ZNF723: variants seen among roughly 807,000 people sequenced by gnomAD.
ZNF723 encodes the protein zinc finger protein 723, pseudogene.
A neutral mutation model predicts 9.4 loss-of-function variants in ZNF723; 5 were observed. The observed-to-expected ratio is 0.53, with a 90% CI of 0.28 to 1.12. The LOEUF (loss-of-function observed/expected upper bound fraction) is 1.12. ZNF723 is among the 50% of genes most tolerant of loss of function. The probability of loss-of-function intolerance (pLI) is 0.10; values close to 1 mark genes in which losing one functional copy is unlikely to be tolerated. For missense variants in ZNF723, 450 were observed against 501.5 expected (o/e 0.90, Z 0.98); for synonymous variants, 158 against 168.8 (o/e 0.94, Z 0.49).
intron 1 of ZNF723, among the ~76,000 whole-genome samples, chr19:22,839,473 T>G (rs1217568412): frequency 2.0e-5 from 3 of 149,700 alleles, no homozygotes; most frequent in South Asian, 2.1e-4. Flanking sequence ...TTGGTTTTTT[T>G]TTTTTTTTTT....
the ZNF723 span, among the ~76,000 whole-genome samples, chr19:22,816,240 A>G: frequency 6.6e-6 from 1 of 152,232 alleles, no homozygotes; most frequent in South Asian, 2.1e-4. Context: ...CCAAGCTGAC[A>G]GTAAATATTG....
At chr19:22,827,067 C>T in the ZNF723 span, among the ~76,000 whole-genome samples, 3 of 152,176 alleles carry the variant, frequency 2.0e-5, no homozygotes, top group African/African-American at 7.2e-5. Flanking sequence ...TTTTCCATGG[C>T]TTAGCATAAA....
intron 3 of ZNF723, among the ~76,000 whole-genome samples, chr19:22,855,090 C>T (rs1009647454): frequency 6.6e-6 from 1 of 151,904 alleles, no homozygotes; most frequent in Non-Finnish European, 1.5e-5. Flanking sequence ...TTTTTATATT[C>T]TCTAGAATTC....
chr19:22,846,375 C>T (rs1040024821), intron 1 of ZNF723, among the ~76,000 whole-genome samples: 2 of 152,158 alleles, frequency 1.3e-5, no homozygotes, highest in Non-Finnish European at 2.9e-5. Context: ...GTAATCCCAG[C>T]AGTTTGGGAG....
the ZNF723 span, among the ~76,000 whole-genome samples, chr19:22,814,655 C>T: frequency 6.6e-6 from 1 of 152,172 alleles, no homozygotes; most frequent in Non-Finnish European, 1.5e-5. Context: ...ACTCTCATAC[C>T]TAGAACCAGG....
At chr19:22,815,266 A>G in the ZNF723 span, among the ~76,000 whole-genome samples, 1 of 152,004 alleles carries the variant, frequency 6.6e-6, no homozygotes, top group Non-Finnish European at 1.5e-5. Flanking sequence ...CTTGTAAAAT[A>G]TTTCTGTATC....
At chr19:22,813,735 C>T in the ZNF723 span, among the ~76,000 whole-genome samples, 1 of 151,724 alleles carries the variant, frequency 6.6e-6, no homozygotes, top group African/African-American at 2.4e-5. Flanking sequence ...AGTGAGACTC[C>T]GTCTCAAAAA....
At chr19:22,855,720 A>G (rs1967468324) in intron 3 of ZNF723, among the ~76,000 whole-genome samples, 3 of 152,124 alleles carry the variant, frequency 2.0e-5, no homozygotes, top group Non-Finnish European at 2.9e-5. Flanking sequence ...GACTTTGACT[A>G]TATCACACAG....
chr19:22,827,687 A>T (rs1272226968), upstream of ZNF723, among the ~76,000 whole-genome samples: 1 of 151,974 alleles, frequency 6.6e-6, no homozygotes, highest in East Asian at 1.9e-4. Flanking sequence ...GACCTCAGGT[A>T]ATCTGCCTGC....
At chr19:22,849,889 A>G (rs1967368376) in intron 3 of ZNF723, among the ~76,000 whole-genome samples, 1 of 152,148 alleles carries the variant, frequency 6.6e-6, no homozygotes, top group Admixed American at 6.6e-5. Flanking sequence ...AGCTTGTGTG[A>G]GAAGAGTGAA....
upstream of ZNF723, among the ~76,000 whole-genome samples, chr19:22,830,806 A>T (rs1454691761): frequency 6.6e-6 from 1 of 152,110 alleles, no homozygotes; most frequent in Non-Finnish European, 1.5e-5. Context: ...TCTGTCGCCT[A>T]GGCTGGAGTG....
In ZNF723 at chr19:22,858,329, C is replaced by A. The variant is rs1328356965; in HGVS notation, c.1438C>A (p.Pro480Thr). 6 of 1,108,938 alleles carry A rather than the reference C, an allele frequency of 5.4e-6. No individual in the cohort carries two copies. In the East Asian group the frequency reaches 7.2e-5, roughly 13 times the overall value. The allele number at this position is 1,108,938 out of a possible 1,614,324, so 68.7% of individuals were successfully genotyped here. A position where few individuals can be genotyped will look rare whatever the true frequency, so the allele number is the denominator to read the frequency against. The change falls in exon 4 of 4, where the codon CCT becomes ACT. Residue 480 changes from proline (P) to threonine (T), a missense_variant. By Grantham distance (38) the Pro-to-Thr change is conservative. Coordinates refer to ENST00000600766, the MANE Select transcript of ZNF723 (RefSeq NM_001349726.2). ...TAAGATAATTCATGCTAGAGAGAAG[C>A]CTTACAAATGTGAAGAATGTGGCAA... is the stretch of plus-strand genomic sequence containing the variant. Reference protein sequence around the residue: ...KHKIIHAREKPYKCEECGKAF... With the variant: ...KHKIIHAREKTYKCEECGKAF...
the ZNF723 span, among the ~76,000 whole-genome samples, chr19:22,822,089 G>C: frequency 6.6e-6 from 1 of 152,168 alleles, no homozygotes; most frequent in Non-Finnish European, 1.5e-5. Context: ...CAGTCTGGGT[G>C]ACAAGAGCGA....
At chr19:22,854,845 C>T (rs1000500219) in intron 3 of ZNF723, among the ~76,000 whole-genome samples, 1 of 152,154 alleles carries the variant, frequency 6.6e-6, no homozygotes, top group East Asian at 1.9e-4. Context: ...GTCGGGAGTT[C>T]GAGTCCAGCC....
chr19:22,820,290 G>T, the ZNF723 span, among the ~76,000 whole-genome samples: 1 of 152,106 alleles, frequency 6.6e-6, no homozygotes, highest in Non-Finnish European at 1.5e-5. Flanking sequence ...CAGGTGGTGT[G>T]TCTCTCCTGC....
chr19:22,857,026 T>C (rs886457284), intron 3 of ZNF723, 92 bp from the exon 4 acceptor site: 8 of 564,600 alleles, frequency 1.4e-5, no homozygotes, highest in Admixed American at 1.3e-4. Context: ...TGCCATCTTA[T>C]GTAGTTTGTA....
the ZNF723 span, among the ~76,000 whole-genome samples, chr19:22,821,686 G>A: frequency 2.6e-5 from 4 of 152,182 alleles, no homozygotes; most frequent in African/African-American, 9.7e-5. Context: ...CAAGCTCTTA[G>A]ACATTATAGT....
chr19:22,857,725 T>A lies in ZNF723; in HGVS notation c.834T>A (p.Ile278=). The change falls in exon 4 of 4, where the codon ATT becomes ATA. Residue 278 remains isoleucine (I), a synonymous_variant. Coordinates refer to ENST00000600766, the MANE Select transcript of ZNF723 (RefSeq NM_001349726.2). The part of the protein sequence containing the change: ...MFSSLNNHKR[I]HTGEKPYKCK... Reference sequence around the variant, plus strand: ...CAAGCCTTAATAATCATAAGAGAATTCACACTGGAGAGAAACCCTACAAAT... The same window carrying A: ...CAAGCCTTAATAATCATAAGAGAATACACACTGGAGAGAAACCCTACAAAT... 1 of 1,274,694 alleles carries A rather than the reference T, an allele frequency of 7.8e-7. No homozygotes were observed. Among genetic ancestry groups the A allele is most frequent in the Non-Finnish European group, 1.1e-6 (1 of 871,226 alleles). 79.0% of individuals were successfully genotyped at this position (1,274,694 alleles called of 1,614,324 possible).
intron 1 of ZNF723, among the ~76,000 whole-genome samples, chr19:22,844,321 C>T (rs569063910): frequency 1.3e-5 from 2 of 152,114 alleles, no homozygotes; most frequent in Non-Finnish European, 1.5e-5. Flanking sequence ...CTCTAAACTG[C>T]GTTAAACTTT....
Sources: allele counts gnomAD v4.1 joint callset (sites outside exome capture counted in the v4.1 genomes callset), GRCh38; gene constraint gnomAD v4.1.1; transcripts MANE v1.5; gene names NCBI Gene and HGNC (gene_info 2026-07-23, HGNC 2026-07-21).